SEC16A: variants seen among roughly 807,000 people sequenced by gnomAD.
SEC16A encodes protein transport protein Sec16A.
Under a neutral mutation model 221.9 loss-of-function variants are expected in SEC16A, and 110 were observed. The observed-to-expected ratio is 0.50, with a 90% CI of 0.42 to 0.58. The LOEUF (loss-of-function observed/expected upper bound fraction) is 0.58. Among genes scored for constraint, SEC16A ranks in the 20% least tolerant of loss-of-function variants. The pLI, the probability that SEC16A is intolerant of heterozygous loss-of-function variation, is 0.00. For synonymous variants in SEC16A, 1,393 were observed against 1,257.7 expected (o/e 1.11, Z -2.28); for missense variants, 3,165 against 3,097.8 (o/e 1.02, Z -0.52).
At position 136,451,279 on chromosome 9, in the gene SEC16A, T is replaced by C. The variant is rs779305069; in HGVS notation, c.6289A>G (p.Lys2097Glu). 6.2e-7 allele frequency: 1 copy of C among 1,612,774 alleles called. No individual in the cohort carries two copies. The change falls in exon 23 of 32, where the codon AAA (lysine) becomes GAA (glutamate). Residue 2097 changes from lysine to glutamate, a missense_variant. Lys to Glu is a moderately conservative substitution (Grantham distance 56). Coordinates refer to ENST00000684901, the MANE Select transcript of SEC16A (RefSeq NM_014866.2). ...ETKRPGQAAK[K>E]ETKEPKKGES... ...ACCTTCTTAGGTTCCTTCGTTTCTTTCTTGGCTGCCTGTCCGGGTCTCTTT... is the reference window on the plus strand; with the variant it reads ...ACCTTCTTAGGTTCCTTCGTTTCTTCCTTGGCTGCCTGTCCGGGTCTCTTT...
At chr9:136,480,342 T>C (rs1471120480) in intron 1 of SEC16A, among the ~76,000 whole-genome samples, 1 of 152,184 alleles carries the variant, frequency 6.6e-6, no homozygotes, top group Non-Finnish European at 1.5e-5. Context: ...CCCGGGAAGA[T>C]CCTTATCATC....
chr9:136,456,760 T>C (rs1208433829), intron 18 of SEC16A, among the ~76,000 whole-genome samples: 1 of 152,136 alleles, frequency 6.6e-6, no homozygotes, highest in East Asian at 1.9e-4. Flanking sequence ...TCATGCCGCC[T>C]CTGTTTTACA....
Position 136,447,784 on chromosome 9 carries a change from A to C in SEC16A, c.6447+69T>G. ...AAGGGGCAACAGCCACCCAAATATC[A>C]CAGGGCCACATGAGGCTGTTCCCTC... On this transcript the variant is annotated intron_variant, in intron 25 of 31. Transcript: ENST00000684901. This position sits in a 1 kb window ranked among gnomAD's most constrained non-coding sequence, Gnocchi z 5.5. 6.4e-7 allele frequency: 1 copy of C among 1,553,164 alleles called. No homozygotes were observed.
intron 28 of SEC16A, 121 bp downstream of exon 28, chr9:136,446,734 A>G: frequency 9.9e-7 from 1 of 1,013,448 alleles, no homozygotes; most frequent in East Asian, 2.5e-5. Context: ...TGAGGCGTTT[A>G]AGGCGGAACA....
chr9:136,476,457 G>A lies in SEC16A; in HGVS notation c.1159C>T (p.Leu387Phe). The part of the protein sequence containing the change: ...QGGETENEEN[L>F]SSEKAGLSGQ... ...GATAAGCCTGCTTTTTCAGATGAGA[G>A]ATTCTCCTCATTTTCTGTCTCTCCC... Residue 387 changes from leucine to phenylalanine, a missense_variant, in exon 3 of 32, where the codon CTC becomes TTC. Leu to Phe is a conservative substitution (Grantham distance 22). Transcript: ENST00000684901. 1 of 1,613,100 alleles carries A rather than the reference G, an allele frequency of 6.2e-7. No individual in the cohort carries two copies. The highest frequency in any genetic ancestry group is 1.1e-5 in the South Asian group (1 of 91,050).
intron 17 of SEC16A, among the ~76,000 whole-genome samples, chr9:136,458,544 C>T (rs1356741199): frequency 2.0e-5 from 3 of 150,662 alleles, no homozygotes; most frequent in Admixed American, 6.6e-5. Context: ...AGGAGAATGG[C>T]GTGAACTCAG....
Position 136,441,474 on chromosome 9 carries a change from T to G in SEC16A, c.*281A>C. 2.0e-6 allele frequency: 1 copy of G among 494,714 alleles called. No homozygotes were observed. The allele number at this position is 494,714 out of a possible 1,614,324, so 30.6% of individuals were successfully genotyped here. ...TAAATGACCAGGAATACTATATCCT[T>G]AAATCATCCTAAATGACTAAGAAAG... On this transcript the variant is annotated 3_prime_UTR_variant, in exon 32 of 32. Transcript: ENST00000684901.
Position 136,451,318 on chromosome 9 carries a change from G to T in SEC16A, c.6250C>A (p.Pro2084Thr), listed in dbSNP as rs1296664994. 1 of 1,613,746 alleles carries T rather than the reference G, an allele frequency of 6.2e-7. No individual in the cohort carries two copies. The highest frequency in any genetic ancestry group is 2.2e-5 in the East Asian group (1 of 44,862). Residue 2084 changes from proline to threonine, a missense_variant, in exon 23 of 32, where the codon CCC becomes ACC. Physicochemically the swap from Pro to Thr is conservative, Grantham distance 38. Coordinates refer to ENST00000684901, the MANE Select transcript of SEC16A (RefSeq NM_014866.2). The stretch of plus-strand genomic sequence containing the variant: ...CCGGGTCTCTTTGTTTCGGGAGCGG[G>T]TGAGAGAGACAGAGGTGGCTGCGTG... ...GPTQPPLSLS[P>T]APETKRPGQA...
rs1172784096 is a variant in SEC16A at position 136,456,079 on chromosome 9, G to C, written c.5638C>G (p.Leu1880Val). 6.2e-7 allele frequency: 1 copy of C among 1,612,998 alleles called. No homozygotes were observed. The highest frequency in any genetic ancestry group is 8.5e-7 in the Non-Finnish European group (1 of 1,179,548). Reference sequence around the variant, plus strand: ...TTAATCTGCCGCTCCACCTGCTGCAGGTGAACCAGCCACGTGGGTGCGGCC... The same window carrying C: ...TTAATCTGCCGCTCCACCTGCTGCACGTGAACCAGCCACGTGGGTGCGGCC... ...SLAAPTWLVH[L>V]QQVERQIKEG... Residue 1880 changes from leucine to valine, a missense_variant, in exon 19 of 32, where the codon CTG (leucine) becomes GTG (valine). Coordinates refer to ENST00000684901, the MANE Select transcript of SEC16A (RefSeq NM_014866.2).
rs368292807 is a variant in SEC16A, at chr9:136,475,903, T to C, written c.1713A>G (p.Val571=). 5 of 1,610,800 alleles carry C rather than the reference T, an allele frequency of 3.1e-6. No homozygotes were observed. The African/African-American group carries it at 6.7e-5, about 22-fold the overall frequency. Residue 571 remains valine, a synonymous_variant, in exon 3 of 32, where the codon GTA becomes GTG. Transcript: ENST00000684901. The surrounding 1 kb of genome is among the most constrained non-coding windows in gnomAD (Gnocchi z 5.0). Reference sequence around the variant, plus strand: ...CAGTGGTCTCGTCTGTTTCACCTCCTACGGGAGAAGAATCGATTTGCTTAA... The same window carrying C: ...CAGTGGTCTCGTCTGTTTCACCTCCCACGGGAGAAGAATCGATTTGCTTAA... ...SFFKQIDSSP[V]GGETDETTVS... is the part of the protein sequence containing the mutation.
Position 136,476,037 on chromosome 9 carries a change from T to A in SEC16A, c.1579A>T (p.Ser527Cys). 6.2e-7 allele frequency: 1 copy of A among 1,613,420 alleles called. No individual in the cohort carries two copies. Among genetic ancestry groups the A allele is most frequent in the South Asian group, 1.1e-5 (1 of 91,070 alleles). ...HPDSVSSSYS[S>C]RSHGRLSGSA... ...CCTGAGAGCCTTCCGTGGCTTCTGC[T>A]GCTATAGCTGGATGACACGCTGTCA... is the stretch of plus-strand genomic sequence containing the variant. Residue 527 changes from serine (S) to cysteine (C), a missense_variant, in exon 3 of 32, where the codon AGC becomes TGC. This residue lies in a region of SEC16A where 2,030 missense variants were observed against 1,923.1 expected (regional missense o/e 1.06). Transcript: ENST00000684901.
chr9:136,458,187 TC>T (rs1168401671), intron 17 of SEC16A, among the ~76,000 whole-genome samples: 2 of 150,308 alleles, frequency 1.3e-5, no homozygotes, highest in Non-Finnish European at 3.0e-5. Context: ...CAGGCTGGTC[TC>T]TAATTCCTGA....
rs749597968 is a variant in SEC16A at position 136,463,050 on chromosome 9, G to C, written c.4730C>G (p.Ala1577Gly). The change falls in exon 12 of 32, where the codon GCA becomes GGA. Residue 1577 changes from alanine to glycine, a missense_variant. By Grantham distance (60) the Ala-to-Gly change is moderately conservative. Coordinates refer to ENST00000684901, the MANE Select transcript of SEC16A (RefSeq NM_014866.2). The stretch of plus-strand genomic sequence containing the variant: ...CTCATTCGTGAAATCAATCAGGTTT[G>C]CTTCATTGGGCGACTTCCCAGGAAG... ...VWLPGKSPNE[A>G]NLIDFTNEAV... 4.3e-6 allele frequency: 7 copies of C among 1,612,650 alleles called. No homozygotes were observed. Among genetic ancestry groups the C allele is most frequent in the Non-Finnish European group, 4.2e-6 (5 of 1,179,898 alleles).
intron 4 of SEC16A, among the ~76,000 whole-genome samples, chr9:136,468,753 C>T (rs1002017844): frequency 6.6e-6 from 1 of 152,178 alleles, no homozygotes; most frequent in Non-Finnish European, 1.5e-5. Context: ...AAGAACTGAC[C>T]CTTTTTGTGT....
intron 22 of SEC16A, among the ~76,000 whole-genome samples, chr9:136,452,676 AG>A (rs2132036733): frequency 7.1e-6 from 1 of 140,844 alleles, no homozygotes; most frequent in East Asian, 2.2e-4. Flanking sequence ...CTGAGGCTGG[AG>A]AATCACTTGA....
intron 28 of SEC16A, among the ~76,000 whole-genome samples, chr9:136,446,278 G>C (rs983450567): frequency 6.9e-6 from 1 of 144,662 alleles, no homozygotes; most frequent in East Asian, 2.0e-4. Flanking sequence ...GGTAAATTTT[G>C]TTTTTTTTTT....
intron 4 of SEC16A, among the ~76,000 whole-genome samples, chr9:136,470,889 C>G (rs774314087): frequency 6.6e-6 from 1 of 152,234 alleles, no homozygotes. Context: ...GTGAGACAGT[C>G]TCTCTCAGAT....
chr9:136,472,111 C>T lies in SEC16A; in HGVS notation c.3568G>A (p.Asp1190Asn). Residue 1190 changes from aspartate to asparagine, a missense_variant and splice_region_variant, in exon 4 of 32, where the codon GAT becomes AAT. Coordinates refer to ENST00000684901, the MANE Select transcript of SEC16A (RefSeq NM_014866.2). ...CGAGGCTCATAGAGGCTGTAGACAT[C>T]CTGTGGGAGGAAGCATTTGGGCAGG... Reference protein sequence around the residue: ...EPGAASLYYQDVYSLYEPRYR... With the variant: ...EPGAASLYYQNVYSLYEPRYR... 2 of 1,613,584 alleles carry T rather than the reference C, an allele frequency of 1.2e-6. No individual in the cohort carries two copies. Among genetic ancestry groups the T allele is most frequent in the Non-Finnish European group, 1.7e-6 (2 of 1,179,848 alleles).
intron 17 of SEC16A, among the ~76,000 whole-genome samples, chr9:136,457,943 T>C (rs569390675): frequency 6.6e-6 from 1 of 152,132 alleles, no homozygotes; most frequent in Non-Finnish European, 1.5e-5. Flanking sequence ...TCCACAGACA[T>C]TCTCTAGATA....
Sources: allele counts gnomAD v4.1 joint callset (sites outside exome capture counted in the v4.1 genomes callset), GRCh38; gene constraint gnomAD v4.1.1; regional missense constraint gnomAD v4.1.1; non-coding constraint Gnocchi (gnomAD v3.1); transcripts MANE v1.5; gene names NCBI Gene and HGNC (gene_info 2026-07-23, HGNC 2026-07-21).